The following USP13 variants were observed in gnomAD, a reference collection of about 807,000 sequenced individuals.
The protein encoded by USP13 is ubiquitin carboxyl-terminal hydrolase 13.
Under a neutral mutation model 107.8 loss-of-function variants are expected in USP13, and 68 were observed. The ratio of observed to expected loss-of-function variants is 0.63; its 90% CI spans 0.52 to 0.77. The LOEUF (loss-of-function observed/expected upper bound fraction) is 0.77, where lower values mean the gene tolerates loss of function less well. Among genes scored for constraint, USP13 ranks in the 30% least tolerant of loss-of-function variants. USP13 has a pLI of 0.00. For synonymous variants in USP13, 377 were observed against 389.5 expected (o/e 0.97, Z 0.38); for missense variants, 945 against 1,093.3 (o/e 0.86, Z 1.91).
chr3:179,758,667 T>G (rs1239573235), intron 16 of USP13, among the ~76,000 whole-genome samples: 2 of 151,622 alleles, frequency 1.3e-5, no homozygotes, highest in Non-Finnish European at 2.9e-5. Context: ...ACCGGCTCAT[T>G]TTTTGTATTT....
intron 4 of USP13, 60 bp downstream of exon 4, chr3:179,701,189 C>G: frequency 2.7e-6 from 2 of 742,872 alleles, no homozygotes; most frequent in South Asian, 2.0e-5. Context: ...GGTGTGTGTG[C>G]GTGTGCGATG....
intron 16 of USP13, among the ~76,000 whole-genome samples, chr3:179,757,484 T>C (rs9811751): frequency 0.047 from 7,123 of 152,270 alleles, 569 homozygotes; most frequent in African/African-American, 0.16. Context: ...TGAAGACACA[T>C]AGCTGACAGG....
Position 179,745,029 on chromosome 3 carries a change from G to A in USP13, c.1535-14G>A. 2 of 1,613,922 alleles carry A rather than the reference G, an allele frequency of 1.2e-6. No individual in the cohort carries two copies. Reference sequence around the variant, plus strand: ...AGAGCGATTGCAAGGTCTTTGATTTGCTCTTTCACCCAGATGAACTGATCG... The same window carrying A: ...AGAGCGATTGCAAGGTCTTTGATTTACTCTTTCACCCAGATGAACTGATCG... On this transcript the variant is annotated splice_polypyrimidine_tract_variant and intron_variant, in intron 12 of 20. Transcript: ENST00000263966.
At position 179,721,292 on chromosome 3, in the gene USP13, G is replaced by T; in HGVS notation, c.901-110G>T. The T allele has an allele frequency of 8.5e-7, 1 of 1,178,538 alleles. No homozygotes were observed. Among genetic ancestry groups the T allele is most frequent in the Non-Finnish European group, 1.2e-6 (1 of 842,600 alleles). 73.0% of individuals were successfully genotyped at this position (1,178,538 alleles called of 1,614,324 possible). On this transcript the variant is annotated intron_variant, in intron 7 of 20. Transcript: ENST00000263966. The surrounding 1 kb of genome is among the most constrained non-coding windows in gnomAD (Gnocchi z 4.3). The stretch of plus-strand genomic sequence containing the variant: ...GCATTGTTTATTTCTCTATGTAATT[G>T]GGGAAAAAAATGGCAGAAACATCCT...
chr3:179,726,106 G>A (rs1427085796), intron 8 of USP13, among the ~76,000 whole-genome samples: 2 of 152,202 alleles, frequency 1.3e-5, no homozygotes, highest in East Asian at 3.9e-4. Context: ...AGGGAGTGAG[G>A]AAGGGTGGGG....
chr3:179,731,075 A>T (rs1205666410), intron 10 of USP13, among the ~76,000 whole-genome samples: 1 of 152,186 alleles, frequency 6.6e-6, no homozygotes, highest in East Asian at 1.9e-4. Flanking sequence ...CCTAAGCCTC[A>T]ACTTTCTTGG....
rs561970547 is a variant in USP13, at chr3:179,653,698, G to T, written c.168+305G>T. 3.1e-6 allele frequency: 1 copy of T among 324,214 alleles called. No homozygotes were observed. The highest frequency in any genetic ancestry group is 2.2e-5 in the African/African-American group (1 of 45,756). 20.1% of individuals were successfully genotyped at this position (324,214 alleles called of 1,614,324 possible). ...ATGAAATACAAGAGTTCCCTGTTCC[G>T]AACTGCACGTTGCAGATCGTTTGCG... On this transcript the variant is annotated intron_variant, in intron 1 of 20. Transcript: ENST00000263966. This position sits in a 1 kb window ranked among gnomAD's most constrained non-coding sequence, Gnocchi z 4.0.
rs758879803 is a variant in USP13 at position 179,730,628 on chromosome 3, A to G, written c.1173A>G (p.Gly391=). ...QDFNTQMTKL[G]HGLLSGQYSK... ...CTGTCCTGGCCAGGACTAAGTTAGG[A>G]CATGGCCTTCTCTCAGGCCAGTATT... is the stretch of plus-strand genomic sequence containing the variant. The change falls in exon 10 of 21, where the codon GGA becomes GGG. Residue 391 remains glycine (G), a synonymous_variant. Coordinates refer to ENST00000263966, the MANE Select transcript of USP13 (RefSeq NM_003940.3). The G allele has an allele frequency of 6.2e-7, 1 of 1,614,004 alleles. No individual in the cohort carries two copies. The highest frequency in any genetic ancestry group is 1.7e-5 in the Admixed American group (1 of 60,024).
chr3:179,727,415 T>C (rs1201734619), intron 8 of USP13, among the ~76,000 whole-genome samples: 43 of 105,676 alleles, frequency 4.1e-4, no homozygotes, highest in Middle Eastern at 3.8e-3. Context: ...AAGCACATCT[T>C]GCACCGCCCT....
intron 1 of USP13, among the ~76,000 whole-genome samples, chr3:179,658,910 G>C (rs1484255758): frequency 6.6e-6 from 1 of 152,236 alleles, no homozygotes; most frequent in Non-Finnish European, 1.5e-5. Flanking sequence ...GTGCAGCTGA[G>C]GCTAAGACTG....
At chr3:179,767,427 G>GTT (rs1491164607) in intron 19 of USP13, among the ~76,000 whole-genome samples, 3,695 of 147,446 alleles carry the variant, frequency 0.025, 199 homozygotes, top group African/African-American at 0.09. Context: ...AGTTTTTTTT[G>GTT]GTTTTTTTTT....
intron 1 of USP13, among the ~76,000 whole-genome samples, chr3:179,667,271 G>A (rs541171302): frequency 6.6e-6 from 1 of 152,274 alleles, no homozygotes; most frequent in South Asian, 2.1e-4. Context: ...TCTTTGATGG[G>A]AACTCTGTTC....
chr3:179,761,322 C>G (rs1715004426), intron 17 of USP13, 67 bp downstream of exon 17: 4 of 1,584,148 alleles, frequency 2.5e-6, no homozygotes, highest in African/African-American at 2.7e-5. Context: ...GAGTCCTGGT[C>G]CTTCCAAGGT....
At chr3:179,659,760 T>A (rs1720401710) in intron 1 of USP13, among the ~76,000 whole-genome samples, 1 of 152,142 alleles carries the variant, frequency 6.6e-6, no homozygotes, top group African/African-American at 2.4e-5. Context: ...CCATTTTGGC[T>A]GGGCGCGGTG....
chr3:179,693,531 A>G (rs1357503784), intron 3 of USP13, among the ~76,000 whole-genome samples: 1 of 152,126 alleles, frequency 6.6e-6, no homozygotes, highest in Non-Finnish European at 1.5e-5. Flanking sequence ...CTCATCTCCT[A>G]GGAACAGGCA....
At chr3:179,690,369 C>A in intron 3 of USP13, 68 bp downstream of exon 3, 1 of 1,371,686 alleles carries the variant, frequency 7.3e-7, no homozygotes, top group Non-Finnish European at 1.0e-6. Context: ...TACTCATGTG[C>A]ATCTTTGATT....
intron 3 of USP13, among the ~76,000 whole-genome samples, chr3:179,698,821 C>T (rs1712404942): frequency 6.6e-6 from 1 of 151,566 alleles, no homozygotes; most frequent in Non-Finnish European, 1.5e-5. Flanking sequence ...TCTGTTCCTA[C>T]ATAGTCTAAA....
At chr3:179,684,599 A>G (rs1416027976) in intron 2 of USP13, among the ~76,000 whole-genome samples, 1 of 152,196 alleles carries the variant, frequency 6.6e-6, no homozygotes, top group African/African-American at 2.4e-5. Context: ...CTGGGATTAC[A>G]GCTGAGAGCC....
At chr3:179,674,450 T>G (rs114717725) in intron 1 of USP13, among the ~76,000 whole-genome samples, 8 of 152,360 alleles carry the variant, frequency 5.3e-5, no homozygotes, top group African/African-American at 1.9e-4. Flanking sequence ...GAAGCACCAC[T>G]GTAGACCAAG....
Sources: gnomAD v4.1 joint callset for allele counts (sites outside exome capture counted in the v4.1 genomes callset) on GRCh38, gnomAD v4.1.1 for gene constraint, Gnocchi (gnomAD v3.1) non-coding constraint, MANE v1.5 for transcripts, NCBI Gene and HGNC (gene_info 2026-07-23, HGNC 2026-07-21) for gene names.